Variants in PHACTR3 observed in about 807,000 individuals in gnomAD.
PHACTR3 encodes the protein protein phosphatase 1, regulatory subunit 123.
In PHACTR3, 16 loss-of-function variants were observed where a neutral mutation model predicts 66.8. That is an observed-to-expected ratio of 0.24 (90% confidence interval 0.16 to 0.36). The LOEUF (loss-of-function observed/expected upper bound fraction) is 0.36. Among genes scored for constraint, PHACTR3 ranks in the 10% least tolerant of loss-of-function variants. The pLI is 1.00. For synonymous variants in PHACTR3, 323 were observed against 292.1 expected, an observed-to-expected ratio of 1.11 and a Z score of -1.08; for missense variants, 647 against 719.9, an observed-to-expected ratio of 0.90 and a Z score of 1.16.
intron 7 of PHACTR3, among the ~76,000 whole-genome samples, chr20:59,799,426 T>A (rs1156336990): frequency 6.6e-6 from 1 of 152,174 alleles, no homozygotes; most frequent in Non-Finnish European, 1.5e-5. Flanking sequence ...CTCAATTCTG[T>A]CACTTTTTGC....
upstream of PHACTR3, among the ~76,000 whole-genome samples, chr20:59,603,085 G>A (rs1310158582): frequency 6.6e-6 from 1 of 152,192 alleles, no homozygotes; most frequent in Admixed American, 6.5e-5. Context: ...TCACCATCCA[G>A]CCAGCACATT....
chr20:59,617,070 T>C (rs2146356467), intron 1 of PHACTR3, among the ~76,000 whole-genome samples: 1 of 152,336 alleles, frequency 6.6e-6, no homozygotes, highest in South Asian at 2.1e-4. Context: ...TCCAGCCCTT[T>C]TCTACTTGGG....
upstream of PHACTR3, among the ~76,000 whole-genome samples, chr20:59,601,624 C>T (rs867685765): frequency 3.3e-5 from 5 of 152,188 alleles, no homozygotes; most frequent in African/African-American, 7.2e-5. Context: ...TGGAGATGAC[C>T]GACTTTGAAG....
chr20:59,795,071 G>C (rs1401395040), intron 7 of PHACTR3, among the ~76,000 whole-genome samples: 1 of 151,608 alleles, frequency 6.6e-6, no homozygotes, highest in Non-Finnish European at 1.5e-5. Context: ...CTGGTTTCTT[G>C]AGGTATAGTG....
At chr20:59,635,211 T>TCTTTCCTC (rs2034848494) in intron 1 of PHACTR3, among the ~76,000 whole-genome samples, 1 of 127,272 alleles carries the variant, frequency 7.9e-6, no homozygotes, top group Non-Finnish European at 1.7e-5. Flanking sequence ...TTTCTTTCCT[T>TCTTTCCTC]CCTTCCTTCC....
intron 1 of PHACTR3, among the ~76,000 whole-genome samples, chr20:59,713,419 C>T (rs2037976468): frequency 6.6e-6 from 1 of 152,204 alleles, no homozygotes; most frequent in East Asian, 1.9e-4. Flanking sequence ...TGTGTACCCC[C>T]ACCCAGGTAT....
At chr20:59,633,841 G>A (rs942229364) in intron 1 of PHACTR3, among the ~76,000 whole-genome samples, 8 of 152,076 alleles carry the variant, frequency 5.3e-5, no homozygotes. Flanking sequence ...GGTATAATAG[G>A]GCGGAGGTTA....
intron 1 of PHACTR3, among the ~76,000 whole-genome samples, chr20:59,720,450 A>G (rs995461791): frequency 3.3e-5 from 5 of 152,190 alleles, no homozygotes; most frequent in African/African-American, 1.2e-4. Context: ...GGGGTAGTCC[A>G]GTAATTTTAT....
intron 8 of PHACTR3, among the ~76,000 whole-genome samples, chr20:59,828,565 G>A (rs1203959679): frequency 6.6e-6 from 1 of 152,172 alleles, no homozygotes; most frequent in African/African-American, 2.4e-5. Flanking sequence ...CAGAACAATT[G>A]TAATAATGGG....
intron 4 of PHACTR3, among the ~76,000 whole-genome samples, chr20:59,766,620 G>C (rs117279871): frequency 6.6e-6 from 1 of 152,108 alleles, no homozygotes; most frequent in Non-Finnish European, 1.5e-5. Flanking sequence ...CCTCCAAGTC[G>C]ATCCTTCCTA....
chr20:59,613,438 G>C (rs2033925405), intron 1 of PHACTR3, among the ~76,000 whole-genome samples: 1 of 152,170 alleles, frequency 6.6e-6, no homozygotes, highest in African/African-American at 2.4e-5. Context: ...TTGCCTTCTT[G>C]GGAGCACTGC....
chr20:59,831,825 G>A (rs575178792), intron 8 of PHACTR3, among the ~76,000 whole-genome samples: 147 of 152,284 alleles, frequency 9.7e-4, no homozygotes, highest in Middle Eastern at 3.4e-3. Context: ...TTTGCTCCTC[G>A]ACACAGGCTG....
chr20:59,779,944 T>C (rs1220268172), intron 7 of PHACTR3, among the ~76,000 whole-genome samples: 5 of 152,208 alleles, frequency 3.3e-5, no homozygotes, highest in African/African-American at 1.2e-4. Context: ...AGATTTAAGT[T>C]TTAAAACCTG....
intron 3 of PHACTR3, among the ~76,000 whole-genome samples, chr20:59,751,270 G>T (rs1030802453): frequency 4.6e-5 from 7 of 152,194 alleles, no homozygotes; most frequent in African/African-American, 1.7e-4. Context: ...TGCAGCCGGG[G>T]GCGCCCTCCT....
At chr20:59,783,446 C>T (rs201035717) in intron 7 of PHACTR3, among the ~76,000 whole-genome samples, 1 of 150,738 alleles carries the variant, frequency 6.6e-6, no homozygotes, top group South Asian at 2.1e-4. Flanking sequence ...CACCCCGGCC[C>T]TTTTTTTTGT....
At chr20:59,771,349 G>A (rs973973010) in intron 5 of PHACTR3, among the ~76,000 whole-genome samples, 3 of 152,158 alleles carry the variant, frequency 2.0e-5, no homozygotes, top group Admixed American at 2.0e-4. Context: ...GCCTGGGGAG[G>A]CTGAGGCCAG....
rs189179628 is a variant in PHACTR3, at chr20:59,587,048, C to T, written c.109+9431C>T. Among the ~76,000 whole-genome samples, 963 of 152,326 alleles carry T rather than the reference C, an allele frequency of 6.3e-3. 12 individuals carry two copies. The highest frequency in any genetic ancestry group is 0.022 in the African/African-American group (923 of 41,568). On this transcript the variant is annotated intron_variant, in intron 1 of 12. Transcript: ENST00000359926. ...CTTTGGAAGCCCTTAAAAGATGCCC[C>T]AACTCTGGCTGTCCTTGTGGGGTGC... is the stretch of plus-strand genomic sequence containing the variant.
At chr20:59,590,054 CAT>C (rs1201918655) in intron 1 of PHACTR3, among the ~76,000 whole-genome samples, 2 of 152,194 alleles carry the variant, frequency 1.3e-5, no homozygotes, top group Non-Finnish European at 2.9e-5. Context: ...CTTCCATAGT[CAT>C]ATGTGTCTGT....
At chr20:59,658,161 A>G (rs957061416) in intron 1 of PHACTR3, among the ~76,000 whole-genome samples, 1 of 152,148 alleles carries the variant, frequency 6.6e-6, no homozygotes, top group African/African-American at 2.4e-5. Context: ...AGATTATTTT[A>G]AATAATTTCT....
Sources: gnomAD v4.1 joint callset for allele counts (sites outside exome capture counted in the v4.1 genomes callset) on GRCh38, gnomAD v4.1.1 for gene constraint, MANE v1.5 for transcripts, NCBI Gene and HGNC (gene_info 2026-07-23, HGNC 2026-07-21) for gene names.